MAN2B1: variants seen among roughly 807,000 people sequenced by gnomAD.
MAN2B1 encodes the protein mannosidase alpha class 2B member 1.
MAN2B1 carries 99 observed loss-of-function variants against 127.5 expected under a neutral mutation model. The observed-to-expected ratio is 0.78, with a 90% CI of 0.66 to 0.92. The LOEUF is 0.92. MAN2B1 is among the 40% of genes least tolerant of loss of function. The pLI, the probability that MAN2B1 is intolerant of heterozygous loss-of-function variation, is 0.00. For synonymous variants in MAN2B1, 573 were observed against 568.8 expected, an observed-to-expected ratio of 1.01 and a Z score of -0.11; for missense variants, 1,304 against 1,384.8, an observed-to-expected ratio of 0.94 and a Z score of 0.93.
intron 16 of MAN2B1, 76 bp downstream of exon 16, chr19:12,652,077 C>T: frequency 9.0e-7 from 1 of 1,110,492 alleles, no homozygotes; most frequent in Non-Finnish European, 1.4e-6. Flanking sequence ...CCTCACTCTA[C>T]ACATGGCCCA....
Position 12,657,105 on chromosome 19 carries a change from C to T in MAN2B1, c.1420-49G>A, listed in dbSNP as rs1358475457. 8 of 1,047,914 alleles carry T rather than the reference C, an allele frequency of 7.6e-6. No homozygotes were observed. The Middle Eastern group carries it at 5.9e-4, about 77-fold the overall frequency. The allele number at this position is 1,047,914 out of a possible 1,614,324, so 64.9% of individuals were successfully genotyped here. A position where few individuals can be genotyped will look rare whatever the true frequency, so the allele number is the denominator to read the frequency against. ...GGTGGGTTCAGGACGCCAGGCCTGA[C>T]TCCTCCCCTCTCCTCAGGCCCCGCC... On this transcript the variant is annotated intron_variant, in intron 11 of 23. Coordinates refer to ENST00000456935, the MANE Select transcript of MAN2B1 (RefSeq NM_000528.4).
chr19:12,657,564 A>G lies in MAN2B1; in HGVS notation c.1310-9T>C, dbSNP rs756430947. 8.4e-6 allele frequency: 13 copies of G among 1,554,922 alleles called. No individual in the cohort carries two copies. In the Admixed American group the frequency reaches 1.5e-4, roughly 19 times the overall value. On this transcript the variant is annotated splice_polypyrimidine_tract_variant and intron_variant, in intron 10 of 23. Coordinates refer to ENST00000456935, the MANE Select transcript of MAN2B1 (RefSeq NM_000528.4). ...CACAGCCATCGCCTCATCTGCTCAT[A>G]GACAATGAGTCCGGTGAGGTTCTGT...
chr19:12,654,051 T>C (rs1447010805), intron 14 of MAN2B1, among the ~76,000 whole-genome samples: 1 of 149,046 alleles, frequency 6.7e-6, no homozygotes. Flanking sequence ...TTTTTCTTTT[T>C]TTTTTTTTTG....
At position 12,665,380 on chromosome 19, in the gene MAN2B1, C is replaced by T; in HGVS notation, c.408G>A (p.Gln136=). Residue 136 remains glutamine, a synonymous_variant, in exon 3 of 24, where the codon CAG becomes CAA. Transcript: ENST00000456935. ...GGCGCACAAGGTCTCGCACGACTTC[C>T]TGTGTGGCATTTGTCTGCTGGTGCC... is the stretch of plus-strand genomic sequence containing the variant. The part of the protein sequence containing the change: ...RWWHQQTNAT[Q]EVVRDLVRQG... The T allele has an allele frequency of 6.2e-7, 1 of 1,609,904 alleles. No individual in the cohort carries two copies. The highest frequency in any genetic ancestry group is 8.5e-7 in the Non-Finnish European group (1 of 1,179,954).
intron 6 of MAN2B1, among the ~76,000 whole-genome samples, chr19:12,663,111 A>C (rs954033216): frequency 6.8e-6 from 1 of 147,560 alleles, no homozygotes; most frequent in Admixed American, 6.8e-5. Context: ...AAAATACAAA[A>C]ATTAGCTGGA....
Position 12,666,731 on chromosome 19 carries a change from G to T in MAN2B1, c.-30C>A. On this transcript the variant is annotated 5_prime_UTR_variant, in exon 1 of 24. Coordinates refer to ENST00000456935, the MANE Select transcript of MAN2B1 (RefSeq NM_000528.4). ...CAGCAGCTTCCTCCTGGGGTTCCCC[G>T]GCCCTGGAAAGGCCGGGCAAACGCC... The T allele has an allele frequency of 6.5e-7, 1 of 1,543,586 alleles. No homozygotes were observed. Among genetic ancestry groups the T allele is most frequent in the Non-Finnish European group, 8.7e-7 (1 of 1,144,998 alleles).
chr19:12,665,850 A>G (rs999007953), intron 1 of MAN2B1, 45 bp from the exon 2 acceptor site: 1 of 1,492,832 alleles, frequency 6.7e-7, no homozygotes, highest in African/African-American at 1.4e-5. Flanking sequence ...ATAACCCCCG[A>G]GGTCGGGGGC....
chr19:12,650,005 C>T lies in MAN2B1; in HGVS notation c.2175G>A (p.Trp725Ter), dbSNP rs1392422167. ...SVGPIPVGDT[W>*]GKEVISRFDT... ...CAAAACGGCTGATGACCTCCTTCCC[C>T]CAGGTGTCGCTGTACCCAATGGGAT... The change falls in exon 18 of 24, where the codon TGG (tryptophan) becomes TGA (stop). Residue 725 changes from tryptophan to a stop codon, truncating the protein, a stop_gained. Coordinates refer to ENST00000456935, the MANE Select transcript of MAN2B1 (RefSeq NM_000528.4). LOFTEE classifies it high-confidence loss of function. 1 of 1,614,024 alleles carries T rather than the reference C, an allele frequency of 6.2e-7. No individual in the cohort carries two copies. The highest frequency in any genetic ancestry group is 8.5e-7 in the Non-Finnish European group (1 of 1,179,954).
At position 12,652,229 on chromosome 19, in the gene MAN2B1, G is replaced by A. The variant is rs976714132; in HGVS notation, c.1970C>T (p.Ser657Leu). 1 of 1,614,140 alleles carries A rather than the reference G, an allele frequency of 6.2e-7. No homozygotes were observed. The highest frequency in any genetic ancestry group is 2.2e-5 in the East Asian group (1 of 44,882). The part of the protein sequence containing the change: ...SIGDNESDQA[S>L]GAYIFRPNQQ... ...GTTGGGTCTGAAGATGTAGGCACCT[G>A]AGGCCTGGTCACTTTCGTTGTCACC... Residue 657 changes from serine to leucine, a missense_variant, in exon 16 of 24, where the codon TCA (serine) becomes TTA (leucine). Transcript: ENST00000456935.
chr19:12,656,965 C>G lies in MAN2B1; in HGVS notation c.1511G>C (p.Ser504Thr), dbSNP rs780657630. The change falls in exon 12 of 24, where the codon AGC (serine) becomes ACC (threonine). Residue 504 changes from serine to threonine, a missense_variant. By Grantham distance (58) the Ser-to-Thr change is moderately conservative (BLOSUM62 1). Transcript: ENST00000456935. ...CCGGCTCACGCGCGCCGCCGTCTGG[C>G]TGAGCGGGCAGATGCTGATGTTTAG... The part of the protein sequence containing the change: ...QQLNISICPL[S>T]QTAARFQVIV... The G allele has an allele frequency of 2.5e-6, 4 of 1,613,470 alleles. No individual in the cohort carries two copies. Among genetic ancestry groups the G allele is most frequent in the Non-Finnish European group, 3.4e-6 (4 of 1,179,900 alleles).
At position 12,663,743 on chromosome 19, in the gene MAN2B1, G is replaced by A; in HGVS notation, c.723C>T (p.Ala241=). 1 of 1,613,730 alleles carries A rather than the reference G, an allele frequency of 6.2e-7. No individual in the cohort carries two copies. Among genetic ancestry groups the A allele is most frequent in the Non-Finnish European group, 8.5e-7 (1 of 1,179,936 alleles). ...QKLEMEQVWR[A]STSLKPPTAD... ...CGGTCGGGGGCTTCAGGCTGGTGCT[G>A]GCCCGCCACACCTGCTCCATCTCCA... Residue 241 remains alanine, a synonymous_variant, in exon 5 of 24, where the codon GCC becomes GCT. Coordinates refer to ENST00000456935, the MANE Select transcript of MAN2B1 (RefSeq NM_000528.4).
intron 21 of MAN2B1, 149 bp downstream of exon 21, chr19:12,648,026 G>C: frequency 1.2e-6 from 1 of 816,206 alleles, no homozygotes; most frequent in Non-Finnish European, 2.0e-6. Context: ...GCACTGGGCG[G>C]GGACTGCCCA....
At chr19:12,663,644 C>A in intron 5 of MAN2B1, 59 bp downstream of exon 5, 1 of 1,567,548 alleles carries the variant, frequency 6.4e-7, no homozygotes, top group Non-Finnish European at 8.6e-7. Flanking sequence ...GATATCAAGC[C>A]CAGGGCCCTT....
chr19:12,656,522 C>G lies in MAN2B1; in HGVS notation c.1644+49G>C, dbSNP rs775023467. 2.2e-6 allele frequency: 3 copies of G among 1,347,986 alleles called. No individual in the cohort carries two copies. The East Asian group carries it at 6.9e-5, about 31-fold the overall frequency. The allele number at this position is 1,347,986 out of a possible 1,614,324, so 83.5% of individuals were successfully genotyped here. A position where few individuals can be genotyped will look rare whatever the true frequency, so the allele number is the denominator to read the frequency against. ...ATCCATGGGGGCGATGAGGAAATGC[C>G]CACTGGGGGAGGAGTCCCAGCGGGG... On this transcript the variant is annotated intron_variant, in intron 13 of 23. Coordinates refer to ENST00000456935, the MANE Select transcript of MAN2B1 (RefSeq NM_000528.4).
intron 10 of MAN2B1, 167 bp downstream of exon 10, chr19:12,657,896 A>G: frequency 1.5e-6 from 1 of 662,822 alleles, no homozygotes; most frequent in Non-Finnish European, 2.5e-6. Context: ...TGGAGCTTGC[A>G]GTGAGCCGAG....
At chr19:12,651,847 G>A (rs1325653565) in intron 16 of MAN2B1, among the ~76,000 whole-genome samples, 2 of 152,184 alleles carry the variant, frequency 1.3e-5, no homozygotes, top group South Asian at 2.1e-4. Context: ...TGGCTCTCCT[G>A]ATTCATGGGC....
At chr19:12,658,384 C>G in intron 8 of MAN2B1, 40 bp from the exon 9 acceptor site, 1 of 1,614,208 alleles carries the variant, frequency 6.2e-7, no homozygotes, top group Non-Finnish European at 8.5e-7. Context: ...TCATGACCCA[C>G]GGGGCATGCC....
At chr19:12,662,945 A>AT (rs1244606243) in intron 6 of MAN2B1, among the ~76,000 whole-genome samples, 31 of 147,646 alleles carry the variant, frequency 2.1e-4, no homozygotes, top group African/African-American at 6.7e-4. Context: ...CTCAAAAAAA[A>AT]AAAAATAATA....
chr19:12,656,577 G>C lies in MAN2B1; in HGVS notation c.1638C>G (p.Pro546=), dbSNP rs1487797508. ...ATTCGTTGTTTGGGCTCACATCGCT[G>C]GGCACTGTCCTGCCATTGGGGTCCT... ...VVKDPNGRTV[P]SDVVIFPSSD... is the part of the protein sequence containing the mutation. The change falls in exon 13 of 24, where the codon CCC becomes CCG. Residue 546 remains proline, a synonymous_variant. Coordinates refer to ENST00000456935, the MANE Select transcript of MAN2B1 (RefSeq NM_000528.4). The C allele has an allele frequency of 6.2e-7, 1 of 1,611,486 alleles. No individual in the cohort carries two copies. The highest frequency in any genetic ancestry group is 1.1e-5 in the South Asian group (1 of 91,042).
Sources: allele counts gnomAD v4.1 joint callset (sites outside exome capture counted in the v4.1 genomes callset), GRCh38; gene constraint gnomAD v4.1.1; transcripts MANE v1.5; gene names NCBI Gene and HGNC (gene_info 2026-07-23, HGNC 2026-07-21).